SDK1: variants seen among roughly 807,000 people sequenced by gnomAD.
The protein encoded by SDK1 is sidekick cell adhesion molecule 1.
In SDK1, 157 loss-of-function variants were observed where a neutral mutation model predicts 245.5. That is an observed-to-expected ratio of 0.64 (90% confidence interval 0.56 to 0.73). The LOEUF (loss-of-function observed/expected upper bound fraction) is 0.73, where lower values mean the gene tolerates loss of function less well. SDK1 is among the 30% of genes least tolerant of loss of function. SDK1 has a pLI of 0.00. For missense variants in SDK1, 3,583 were observed against 3,002.3 expected, an observed-to-expected ratio of 1.19 and a Z score of -4.52; for synonymous variants, 1,647 against 1,278.5, an observed-to-expected ratio of 1.29 and a Z score of -6.15.
At chr7:3,421,087 C>A (rs1779522541) in intron 1 of SDK1, among the ~76,000 whole-genome samples, 1 of 145,238 alleles carries the variant, frequency 6.9e-6, no homozygotes, top group African/African-American at 2.6e-5. Flanking sequence ...CAAATCTGTA[C>A]TCTCCTTTTT....
intron 2 of SDK1, among the ~76,000 whole-genome samples, chr7:3,634,685 T>C (rs1782400211): frequency 6.6e-6 from 1 of 152,252 alleles, no homozygotes; most frequent in Non-Finnish European, 1.5e-5. Context: ...TTCCCATCTG[T>C]TAGGTGAACA....
intron 1 of SDK1, among the ~76,000 whole-genome samples, chr7:3,397,078 G>C (rs1052074300): frequency 2.0e-5 from 3 of 151,618 alleles, no homozygotes; most frequent in Non-Finnish European, 4.4e-5. Flanking sequence ...ATTCAGTTCA[G>C]GTTAATCCTG....
At chr7:4,194,614 T>C (rs1023026434) in intron 35 of SDK1, among the ~76,000 whole-genome samples, 3 of 152,252 alleles carry the variant, frequency 2.0e-5, no homozygotes, top group African/African-American at 7.2e-5. Context: ...GAGTCTGATA[T>C]TCAAAGGCAG....
chr7:3,592,156 G>T (rs927634767), intron 1 of SDK1, among the ~76,000 whole-genome samples: 1 of 152,226 alleles, frequency 6.6e-6, no homozygotes, highest in Non-Finnish European at 1.5e-5. Flanking sequence ...GTGTTTGACT[G>T]ACCGCCTGCT....
At chr7:4,074,164 G>A (rs770349258) in intron 20 of SDK1, among the ~76,000 whole-genome samples, 3 of 152,108 alleles carry the variant, frequency 2.0e-5, no homozygotes, top group Non-Finnish European at 4.4e-5. Flanking sequence ...CAGACGAAAC[G>A]AGCTATTCTG....
At chr7:4,205,660 G>C (rs959844289) in intron 35 of SDK1, among the ~76,000 whole-genome samples, 1 of 152,178 alleles carries the variant, frequency 6.6e-6, no homozygotes, top group African/African-American at 2.4e-5. Context: ...GTCTTCCCTG[G>C]CATAAAAGGG....
chr7:3,321,778 C>CCCCTTCCT (rs1554257335), intron 1 of SDK1, among the ~76,000 whole-genome samples: 1 of 50,302 alleles, frequency 2.0e-5, no homozygotes, highest in African/African-American at 9.0e-5. Context: ...TTCCTTCCTT[C>CCCCTTCCT]TCCTTCCTTC....
chr7:3,955,599 C>T (rs899341816), intron 7 of SDK1, among the ~76,000 whole-genome samples: 4 of 152,288 alleles, frequency 2.6e-5, no homozygotes, highest in East Asian at 1.9e-4. Flanking sequence ...CGAGGGCATG[C>T]GTGGGACATG....
intron 1 of SDK1, among the ~76,000 whole-genome samples, chr7:3,460,843 T>C (rs1780811813): frequency 6.6e-6 from 1 of 152,204 alleles, no homozygotes; most frequent in Middle Eastern, 3.2e-3. Context: ...TATTTCCTGC[T>C]TGCTCTGTTT....
At position 3,845,918 on chromosome 7, in the gene SDK1, G is replaced by T. The variant is rs1204589791; in HGVS notation, c.847+24335G>T. Among the ~76,000 whole-genome samples the T allele has an allele frequency of 2.0e-5, 3 of 152,158 alleles. No individual in the cohort carries two copies. In the East Asian group the frequency reaches 5.8e-4, roughly 29 times the overall value. On this transcript the variant is annotated intron_variant, in intron 5 of 44. Coordinates refer to ENST00000404826, the MANE Select transcript of SDK1 (RefSeq NM_152744.4). ...AATAAATTCAGTAGAAATGAAATTT[G>T]ATTTGAGCTGCTCTGCTACCTACAA...
At chr7:3,576,117 A>G (rs893938654) in intron 1 of SDK1, among the ~76,000 whole-genome samples, 15 of 152,166 alleles carry the variant, frequency 9.9e-5, no homozygotes, top group Non-Finnish European at 1.5e-4. Flanking sequence ...TAGAAAAAGC[A>G]ACATTATTTC....
intron 1 of SDK1, among the ~76,000 whole-genome samples, chr7:3,444,652 A>G (rs967787870): frequency 1.3e-5 from 2 of 151,908 alleles, no homozygotes; most frequent in Non-Finnish European, 2.9e-5. Context: ...CTCTCTAGCT[A>G]TGTATATTTC....
chr7:3,619,459 T>C (rs1402737621), intron 2 of SDK1, among the ~76,000 whole-genome samples: 1 of 152,240 alleles, frequency 6.6e-6, no homozygotes, highest in East Asian at 1.9e-4. Context: ...TTTGTAAAAG[T>C]AAGCCCATTA....
intron 1 of SDK1, among the ~76,000 whole-genome samples, chr7:3,498,744 T>TG (rs1395333487): frequency 3.3e-5 from 5 of 151,996 alleles, no homozygotes; most frequent in Admixed American, 2.6e-4. Context: ...TTTTTTTTTT[T>TG]TCCCCTTTAC....
chr7:3,812,503 G>A (rs560696332), intron 4 of SDK1, among the ~76,000 whole-genome samples: 47 of 152,282 alleles, frequency 3.1e-4, no homozygotes, highest in African/African-American at 8.9e-4. Context: ...TGGATAGAAG[G>A]TGAATTCACA....
chr7:4,190,365 C>A (rs1036119440), intron 35 of SDK1, among the ~76,000 whole-genome samples: 1 of 152,162 alleles, frequency 6.6e-6, no homozygotes, highest in African/African-American at 2.4e-5. Context: ...AAACATCTGC[C>A]GAAAGCCTAC....
At chr7:4,164,703 C>G (rs1263241125) in intron 32 of SDK1, among the ~76,000 whole-genome samples, 1 of 152,234 alleles carries the variant, frequency 6.6e-6, no homozygotes, top group African/African-American at 2.4e-5. Flanking sequence ...GAAGGCATCA[C>G]TTGCTGTCAG....
intron 1 of SDK1, among the ~76,000 whole-genome samples, chr7:3,400,207 A>G (rs1458899560): frequency 6.6e-6 from 1 of 152,102 alleles, no homozygotes; most frequent in Non-Finnish European, 1.5e-5. Context: ...GGAGAGAGGG[A>G]TGGAGTAGAC....
chr7:3,551,303 G>T (rs1344330344), intron 1 of SDK1, among the ~76,000 whole-genome samples: 1 of 152,014 alleles, frequency 6.6e-6, no homozygotes, highest in Non-Finnish European at 1.5e-5. Context: ...TGAGCATCTG[G>T]GTACTATTTT....
Sources: gnomAD v4.1 joint callset for allele counts (sites outside exome capture counted in the v4.1 genomes callset) on GRCh38, gnomAD v4.1.1 for gene constraint, MANE v1.5 for transcripts, NCBI Gene and HGNC (gene_info 2026-07-23, HGNC 2026-07-21) for gene names.